The following MYH14 variants were observed in gnomAD, a reference collection of about 807,000 sequenced individuals.
MYH14 encodes myosin heavy chain 14.
A neutral mutation model predicts 255.5 loss-of-function variants in MYH14; 123 were observed. The ratio of observed to expected loss-of-function variants is 0.48; its 90% CI spans 0.42 to 0.56. MYH14 has a LOEUF of 0.56. Among genes scored for constraint, MYH14 ranks in the 20% least tolerant of loss-of-function variants. The pLI, the probability that MYH14 is intolerant of heterozygous loss-of-function variation, is 0.00. For missense variants in MYH14, 2,423 were observed against 2,802.3 expected, an observed-to-expected ratio of 0.86 and a Z score of 3.06; for synonymous variants, 1,095 against 1,161.2, an observed-to-expected ratio of 0.94 and a Z score of 1.16.
At chr19:50,251,960 A>G (rs528386404) in intron 15 of MYH14, among the ~76,000 whole-genome samples, 1 of 152,220 alleles carries the variant, frequency 6.6e-6, no homozygotes, top group African/African-American at 2.4e-5. Flanking sequence ...CCTGGTTTTG[A>G]TGATGTGGAC....
intron 2 of MYH14, among the ~76,000 whole-genome samples, chr19:50,216,824 T>C (rs2123180295): frequency 9.3e-6 from 1 of 107,446 alleles, no homozygotes; most frequent in Non-Finnish European, 2.1e-5. Context: ...TTTTTTTTTT[T>C]TGAGACAGAG....
intron 11 of MYH14, 99 bp from the exon 12 acceptor site, chr19:50,246,905 C>T: frequency 1.3e-6 from 1 of 795,818 alleles, no homozygotes. Flanking sequence ...GGCCCGTCTT[C>T]TGCTCCCCCA....
Position 50,280,022 on chromosome 19 carries a change from G to A in MYH14, c.4033-15G>A, listed in dbSNP as rs199996096. The A allele has an allele frequency of 4.0e-4, 638 of 1,593,194 alleles. 3 individuals carry two copies. The South Asian group carries it at 4.1e-3, about 10-fold the overall frequency. ...GCCACGATTGGAGGGCTTCATTCCC[G>A]TCCCTTCCCTGCAGGCTGAACTGGA... On this transcript the variant is annotated splice_polypyrimidine_tract_variant and intron_variant, in intron 30 of 42. Coordinates refer to ENST00000642316, the MANE Select transcript of MYH14 (RefSeq NM_001145809.2). The surrounding 1 kb of genome is among the most constrained non-coding windows in gnomAD (Gnocchi z 4.8).
Position 50,252,765 on chromosome 19 carries a change from C to T in MYH14, c.1945+12C>T. 1.3e-6 allele frequency: 2 copies of T among 1,546,570 alleles called. No homozygotes were observed. Among genetic ancestry groups the T allele is most frequent in the African/African-American group, 1.4e-5 (1 of 73,316 alleles). ...GATCTGGAAAGACGGTGAGGACCCA[C>T]TTCCCCCACCCCGGCTCTAGGGGTC... On this transcript the variant is annotated intron_variant, in intron 16 of 42. Transcript: ENST00000642316. This position sits in a 1 kb window ranked among gnomAD's most constrained non-coding sequence, Gnocchi z 4.2.
Position 50,290,905 on chromosome 19 carries a change from G to A in MYH14, c.4984G>A (p.Glu1662Lys). 3 of 1,565,764 alleles carry A rather than the reference G, an allele frequency of 1.9e-6. No homozygotes were observed. The highest frequency in any genetic ancestry group is 2.6e-6 in the Non-Finnish European group (3 of 1,155,924). ...LAKQLRDAEV[E>K]RDEERKQRTL... Reference sequence around the variant, plus strand: ...TCTCCAGCTGAGAGATGCAGAGGTGGAGCGGGATGAGGAGCGGAAGCAGCG... The same window carrying A: ...TCTCCAGCTGAGAGATGCAGAGGTGAAGCGGGATGAGGAGCGGAAGCAGCG... The change falls in exon 36 of 43, where the codon GAG (glutamate) becomes AAG (lysine). Residue 1662 changes from glutamate (E) to lysine (K), a missense_variant. Around this residue, in one of 3 missense-constraint regions of MYH14, gnomAD observed 1,513 missense variants for 1,674.8 expected, o/e 0.90. Coordinates refer to ENST00000642316, the MANE Select transcript of MYH14 (RefSeq NM_001145809.2).
At chr19:50,211,539 T>C (rs2032195032) in intron 2 of MYH14, among the ~76,000 whole-genome samples, 1 of 152,196 alleles carries the variant, frequency 6.6e-6, no homozygotes, top group Non-Finnish European at 1.5e-5. Context: ...CTTTCTAAAA[T>C]ACATTGCCTC....
chr19:50,223,134 TGGA>T, intron 4 of MYH14, 24 bp downstream of exon 4: 1 of 1,613,402 alleles, frequency 6.2e-7, no homozygotes, highest in Non-Finnish European at 8.5e-7. Context: ...AAGGACTTCC[TGGA>T]GGAGGAGAGG....
chr19:50,308,588 AGGGTCTGGGGAG>A, intron 41 of MYH14: 2 of 170,004 alleles, frequency 1.2e-5, no homozygotes, highest in Non-Finnish European at 2.5e-5. Context: ...GAGAGGTGGT[AGGGTCTGGGGAG>A]GATCTCAGTG....
rs140587961 is a variant in MYH14, at chr19:50,272,989, A to C, written c.3467+258A>C. 6.4e-4 allele frequency among the ~76,000 whole-genome samples: 97 copies of C among 152,312 alleles called. 1 individual carries two copies. The East Asian group carries it at 0.017, about 27-fold the overall frequency. On this transcript the variant is annotated intron_variant, in intron 27 of 42. Transcript: ENST00000642316. ...ACTTGCATAACAGTGCACAATGGGA[A>C]CAAGAAAATGCTATTTCTAGGCCAA...
At chr19:50,218,597 C>CAA (rs71180682) in intron 3 of MYH14, among the ~76,000 whole-genome samples, 7 of 149,252 alleles carry the variant, frequency 4.7e-5, no homozygotes, top group Admixed American at 6.7e-5. Context: ...GACTCTGTCT[C>CAA]AAAAAAAAAA....
At chr19:50,303,219 T>C (rs1211045064) in intron 40 of MYH14, among the ~76,000 whole-genome samples, 1 of 152,248 alleles carries the variant, frequency 6.6e-6, no homozygotes, top group Non-Finnish European at 1.5e-5. Context: ...TAGATGGATT[T>C]GCTAATCTTG....
intron 40 of MYH14, among the ~76,000 whole-genome samples, chr19:50,303,833 TGAAA>T (rs2036571521): frequency 6.6e-6 from 1 of 152,188 alleles, no homozygotes; most frequent in African/African-American, 2.4e-5. Context: ...AGTATGGGGC[TGAAA>T]GAGTTTCCAT....
chr19:50,284,613 A>G (rs1226705361), intron 33 of MYH14, among the ~76,000 whole-genome samples: 1 of 151,400 alleles, frequency 6.6e-6, no homozygotes, highest in Non-Finnish European at 1.5e-5. Context: ...GCTAGTCTCA[A>G]ACTCCTGACC....
At chr19:50,245,128 G>A (rs1033576744) in intron 11 of MYH14, among the ~76,000 whole-genome samples, 2 of 152,048 alleles carry the variant, frequency 1.3e-5, no homozygotes, top group Non-Finnish European at 1.5e-5. Flanking sequence ...CAGAAAAGTA[G>A]AAAGGAAGAG....
intron 30 of MYH14, among the ~76,000 whole-genome samples, chr19:50,279,705 A>G (rs751373580): frequency 3.9e-5 from 6 of 152,264 alleles, no homozygotes; most frequent in Non-Finnish European, 4.4e-5. Flanking sequence ...TGCCCGTTGT[A>G]TGGATATTCC....
At chr19:50,306,280 CA>C (rs936615844) in intron 40 of MYH14, among the ~76,000 whole-genome samples, 7 of 150,946 alleles carry the variant, frequency 4.6e-5, no homozygotes, top group African/African-American at 1.2e-4. Context: ...AACTCTGTCT[CA>C]AAAAAAAAGA....
intron 16 of MYH14, among the ~76,000 whole-genome samples, chr19:50,254,991 T>G (rs2034539617): frequency 6.6e-6 from 1 of 152,220 alleles, no homozygotes. Flanking sequence ...ACAGAGGACA[T>G]TCGTCCTTTT....
chr19:50,293,761 C>G lies in MYH14; in HGVS notation c.5469+74C>G, dbSNP rs541694788. ...GACCGTAACCTTCAGTCCTCTTATT[C>G]AACAAATATAGAAAGGGGATATTTG... On this transcript the variant is annotated intron_variant, in intron 39 of 42. Transcript: ENST00000642316. This position sits in a 1 kb window ranked among gnomAD's most constrained non-coding sequence, Gnocchi z 4.1. 4.5e-5 allele frequency: 65 copies of G among 1,446,718 alleles called. 1 individual carries two copies. The South Asian group carries it at 8.2e-4, about 18-fold the overall frequency. 89.6% of individuals were successfully genotyped at this position (1,446,718 alleles called of 1,614,324 possible).
At position 50,293,770 on chromosome 19, in the gene MYH14, T is replaced by A; in HGVS notation, c.5469+83T>A. ...CTTCAGTCCTCTTATTCAACAAATA[T>A]AGAAAGGGGATATTTGAGTTGGGTT... On this transcript the variant is annotated intron_variant, in intron 39 of 42. Coordinates refer to ENST00000642316, the MANE Select transcript of MYH14 (RefSeq NM_001145809.2). This position sits in a 1 kb window ranked among gnomAD's most constrained non-coding sequence, Gnocchi z 4.1. 1 of 1,416,086 alleles carries A rather than the reference T, an allele frequency of 7.1e-7. No individual in the cohort carries two copies. The highest frequency in any genetic ancestry group is 9.5e-7 in the Non-Finnish European group (1 of 1,057,096). The allele number at this position is 1,416,086 out of a possible 1,614,324, so 87.7% of individuals were successfully genotyped here.
Sources: allele counts gnomAD v4.1 joint callset (sites outside exome capture counted in the v4.1 genomes callset), GRCh38; gene constraint gnomAD v4.1.1; regional missense constraint gnomAD v4.1.1; non-coding constraint Gnocchi (gnomAD v3.1); transcripts MANE v1.5; gene names NCBI Gene and HGNC (gene_info 2026-07-23, HGNC 2026-07-21).